STYK1: variants seen among roughly 807,000 people sequenced by gnomAD.
The protein encoded by STYK1 is STY kinase 1, also known as tyrosine-protein kinase STYK1.
STYK1 carries 46 observed loss-of-function variants against 48.1 expected under a neutral mutation model. That is an observed-to-expected ratio of 0.96 (90% CI 0.75 to 1.22). The LOEUF is 1.22. Among genes scored for constraint, STYK1 ranks in the 50% most tolerant of loss-of-function variants. The pLI is 0.00. For missense variants in STYK1, 527 were observed against 521.1 expected (o/e 1.01, Z -0.11); for synonymous variants, 188 against 189.0 (o/e 0.99, Z 0.04).
chr12:10,628,242 A>C (rs2120623662), intron 6 of STYK1, among the ~76,000 whole-genome samples: 1 of 152,376 alleles, frequency 6.6e-6, no homozygotes, highest in African/African-American at 2.4e-5. Flanking sequence ...CATATCTGTA[A>C]GTGCCATAAA....
rs377227465 is a variant in STYK1, at chr12:10,622,601, G to A, written c.967+37C>T. The A allele has an allele frequency of 6.2e-6, 10 of 1,612,384 alleles. No individual in the cohort carries two copies. The African/African-American group carries it at 1.2e-4, about 19-fold the overall frequency. On this transcript the variant is annotated intron_variant, in intron 9 of 10. Transcript: ENST00000075503. ...CTTAAATAAACACGCTTGCATATTT[G>A]CATACAGGTACACACTATTTTGGGG...
intron 1 of STYK1, among the ~76,000 whole-genome samples, chr12:10,666,874 C>T (rs1947839089): frequency 6.6e-6 from 1 of 152,166 alleles, no homozygotes; most frequent in African/African-American, 2.4e-5. Flanking sequence ...AACCTCTTTT[C>T]CTTATAAATT....
chr12:10,620,349 C>T lies in STYK1; in HGVS notation c.1065-1G>A. 6.2e-7 allele frequency: 1 copy of T among 1,612,386 alleles called. No individual in the cohort carries two copies. The highest frequency in any genetic ancestry group is 8.5e-7 in the Non-Finnish European group (1 of 1,179,842). On this transcript the variant is annotated splice_acceptor_variant, in intron 10 of 10. Coordinates refer to ENST00000075503, the MANE Select transcript of STYK1 (RefSeq NM_018423.3). LOFTEE classifies it high-confidence loss of function. ...CCAGCAGGACTTCATGATACTGTAC[C>T]TGAGAGGGAAACAAGAGAAACTGAC...
In STYK1 at chr12:10,620,119, A is replaced by C; in HGVS notation, c.*25T>G. 1 of 1,613,496 alleles carries C rather than the reference A, an allele frequency of 6.2e-7. No homozygotes were observed. The highest frequency in any genetic ancestry group is 8.5e-7 in the Non-Finnish European group (1 of 1,179,412). ...TGATTCCAAGAACATATACTCATGC[A>C]TGAATGTTTCTTGCCCGAGACTCTT... On this transcript the variant is annotated 3_prime_UTR_variant, in exon 11 of 11. Transcript: ENST00000075503.
chr12:10,655,109 C>T (rs958195044), intron 1 of STYK1, among the ~76,000 whole-genome samples: 1 of 152,168 alleles, frequency 6.6e-6, no homozygotes, highest in Admixed American at 6.5e-5. Flanking sequence ...ATTCATGAGG[C>T]TAGTCTTAAT....
intron 5 of STYK1, among the ~76,000 whole-genome samples, chr12:10,630,427 G>A (rs545016884): frequency 6.8e-6 from 1 of 147,098 alleles, no homozygotes; most frequent in East Asian, 2.0e-4. Context: ...TATCAGGAAG[G>A]GGTATCAAAG....
chr12:10,629,778 C>T (rs1947402149), intron 5 of STYK1, 104 bp from the exon 6 acceptor site: 3 of 1,340,828 alleles, frequency 2.2e-6, no homozygotes, highest in East Asian at 4.7e-5. Flanking sequence ...CAAGGCCCCA[C>T]ATGGGAGTGA....
intron 1 of STYK1, among the ~76,000 whole-genome samples, chr12:10,659,532 C>T (rs932491057): frequency 6.6e-6 from 1 of 152,058 alleles, no homozygotes; most frequent in Non-Finnish European, 1.5e-5. Context: ...TATGTAGTCC[C>T]TGTACAGGGT....
At chr12:10,634,510 C>G (rs567134697) in intron 3 of STYK1, 57 bp downstream of exon 3, 1 of 1,548,874 alleles carries the variant, frequency 6.5e-7, no homozygotes, top group Non-Finnish European at 8.9e-7. Flanking sequence ...TCTACCGAGA[C>G]CTTAGCCTTC....
chr12:10,623,277 C>A (rs1359129116), intron 8 of STYK1, among the ~76,000 whole-genome samples: 2 of 152,086 alleles, frequency 1.3e-5, no homozygotes, highest in Non-Finnish European at 2.9e-5. Context: ...AAGTTTATTA[C>A]CCCCAGATGT....
intron 10 of STYK1, among the ~76,000 whole-genome samples, chr12:10,620,718 T>G (rs1372597110): frequency 6.6e-6 from 1 of 152,178 alleles, no homozygotes; most frequent in Non-Finnish European, 1.5e-5. Context: ...GAGACGGAGC[T>G]TTTAATCATG....
intron 1 of STYK1, among the ~76,000 whole-genome samples, chr12:10,655,887 T>C (rs1947712551): frequency 6.6e-6 from 1 of 152,306 alleles, no homozygotes; most frequent in South Asian, 2.1e-4. Context: ...GAGCTATACG[T>C]ATATTTAAAA....
chr12:10,625,956 A>C (rs1169726430), intron 7 of STYK1, among the ~76,000 whole-genome samples: 1 of 152,198 alleles, frequency 6.6e-6, no homozygotes. Flanking sequence ...AGTAATTTCC[A>C]ATGGCATCAA....
In STYK1 at chr12:10,621,891, C is replaced by G. The variant is rs141167107; in HGVS notation, c.1049G>C (p.Ser350Thr). The stretch of plus-strand genomic sequence containing the variant: ...AACCACTTACATGGTATGTGTGCAG[C>G]TACTGGGTCTCTTCATGATTTTCCT... The part of the protein sequence containing the change: ...QRRKIMKRPS[S>T]CTHTMYSIMK... The change falls in exon 10 of 11, where the codon AGC (serine) becomes ACC (threonine). Residue 350 changes from serine to threonine, a missense_variant. Physicochemically the swap from Ser to Thr is moderately conservative, Grantham distance 58. Coordinates refer to ENST00000075503, the MANE Select transcript of STYK1 (RefSeq NM_018423.3). The G allele has an allele frequency of 1.1e-5, 17 of 1,613,692 alleles. No homozygotes were observed. The African/African-American group carries it at 2.0e-4, about 19-fold the overall frequency.
chr12:10,660,957 C>T (rs1947770683), intron 1 of STYK1, among the ~76,000 whole-genome samples: 1 of 152,176 alleles, frequency 6.6e-6, no homozygotes, highest in South Asian at 2.1e-4. Context: ...ACCCACACCG[C>T]TGCTCTGCCT....
chr12:10,634,033 A>T lies in STYK1; in HGVS notation c.144T>A (p.Phe48Leu), dbSNP rs1190528309. The part of the protein sequence containing the change: ...LILLGVILWL[F>L]IREQRTQQQR... ...GCTGTTGAGTTCTTTGTTCTCTGAT[A>T]AAAAGCCACAGGATGACCCCAAGAA... The change falls in exon 4 of 11, where the codon TTT (phenylalanine) becomes TTA (leucine). Residue 48 changes from phenylalanine to leucine, a missense_variant. Physicochemically the swap from Phe to Leu is conservative, Grantham distance 22 (BLOSUM62 0). Coordinates refer to ENST00000075503, the MANE Select transcript of STYK1 (RefSeq NM_018423.3). 6 of 1,614,170 alleles carry T rather than the reference A, an allele frequency of 3.7e-6. No homozygotes were observed. The highest frequency in any genetic ancestry group is 3.4e-6 in the Non-Finnish European group (4 of 1,180,022).
intron 3 of STYK1, among the ~76,000 whole-genome samples, chr12:10,634,347 T>C (rs1038625503): frequency 4.6e-5 from 7 of 152,200 alleles, no homozygotes; most frequent in African/African-American, 1.7e-4. Flanking sequence ...ATGACGTTGC[T>C]TCTGGCAGTT....
intron 1 of STYK1, chr12:10,640,599 A>C (rs1947533085): frequency 1.3e-5 from 2 of 152,054 alleles, no homozygotes; most frequent in Admixed American, 1.3e-4. Flanking sequence ...TCAAAGGGGA[A>C]CCCCTTTCCA....
At chr12:10,644,970 A>T (rs1472875489) in intron 1 of STYK1, among the ~76,000 whole-genome samples, 3 of 152,100 alleles carry the variant, frequency 2.0e-5, no homozygotes, top group Non-Finnish European at 4.4e-5. Flanking sequence ...AAGAGAGGAA[A>T]AGAGGGCCTA....
Sources: allele counts gnomAD v4.1 joint callset (sites outside exome capture counted in the v4.1 genomes callset), GRCh38; gene constraint gnomAD v4.1.1; transcripts MANE v1.5; gene names NCBI Gene and HGNC (gene_info 2026-07-23, HGNC 2026-07-21).